Variants in TMEM255B observed in about 807,000 individuals in gnomAD.
The protein encoded by TMEM255B is transmembrane protein 255B.
A neutral mutation model predicts 34.5 loss-of-function variants in TMEM255B; 35 were observed. That is an observed-to-expected ratio of 1.01 (90% confidence interval 0.77 to 1.34). The LOEUF (loss-of-function observed/expected upper bound fraction) is 1.34. Among genes scored for constraint, TMEM255B ranks in the 40% most tolerant of loss-of-function variants. The pLI is 0.00. For missense variants in TMEM255B, 432 were observed against 433.2 expected, an observed-to-expected ratio of 1.00 and a Z score of 0.02; for synonymous variants, 206 against 201.2, an observed-to-expected ratio of 1.02 and a Z score of -0.20.
At chr13:113,809,460 T>C (rs1240339641) in intron 8 of TMEM255B, among the ~76,000 whole-genome samples, 1 of 103,262 alleles carries the variant, frequency 9.7e-6, no homozygotes, top group African/African-American at 4.0e-5. Context: ...GGGTTTACTC[T>C]GTGGTTCCTG....
At chr13:113,774,783 A>C (rs2050540736) in intron 3 of TMEM255B, among the ~76,000 whole-genome samples, 1 of 149,752 alleles carries the variant, frequency 6.7e-6, no homozygotes, top group African/African-American at 2.5e-5. Flanking sequence ...CACACAATAC[A>C]CAATACACGC....
intron 8 of TMEM255B, among the ~76,000 whole-genome samples, chr13:113,807,404 G>A (rs994225050): frequency 0.02 from 2,265 of 111,656 alleles, 34 homozygotes; most frequent in East Asian, 0.038. Flanking sequence ...TGTCACACGT[G>A]GGCTTACGGG....
chr13:113,759,942 T>TG (rs1200999372), intron 1 of TMEM255B, among the ~76,000 whole-genome samples: 5 of 152,162 alleles, frequency 3.3e-5, no homozygotes, highest in African/African-American at 1.2e-4. Flanking sequence ...GGAAACCTGT[T>TG]GCGTGTTCAC....
At position 113,769,128 on chromosome 13, in the gene TMEM255B, G is replaced by A. The variant is rs147117183; in HGVS notation, c.220G>A (p.Gly74Ser). ...CTTTGGATCTTTCTTAGGAATTATT[G>A]GCATCAACTTGGTGGAGAATAGAAG... The part of the protein sequence containing the change: ...LGFGSFLGII[G>S]INLVENRRQM... The change falls in exon 3 of 9, where the codon GGC becomes AGC. Residue 74 changes from glycine to serine, a missense_variant. By Grantham distance (56) the Gly-to-Ser change is moderately conservative (BLOSUM62 0). Transcript: ENST00000375353. This position sits in a 1 kb window ranked among gnomAD's most constrained non-coding sequence, Gnocchi z 4.2. 4.2e-5 allele frequency: 67 copies of A among 1,614,132 alleles called. No individual in the cohort carries two copies. In the African/African-American group the frequency reaches 8.8e-4, roughly 21 times the overall value.
intron 5 of TMEM255B, chr13:113,799,953 G>T (rs932848577): frequency 7.8e-7 from 1 of 1,290,012 alleles, no homozygotes; most frequent in Non-Finnish European, 1.0e-6. Flanking sequence ...TTAACTAAAC[G>T]CAGCCTCTCA....
intron 4 of TMEM255B, among the ~76,000 whole-genome samples, chr13:113,797,287 C>G (rs1466775127): frequency 6.6e-6 from 1 of 152,268 alleles, no homozygotes; most frequent in Non-Finnish European, 1.5e-5. Context: ...CTCACTGGAG[C>G]TCAGATGCCA....
chr13:113,773,946 A>G, intron 3 of TMEM255B, among the ~76,000 whole-genome samples: 1 of 152,248 alleles, frequency 6.6e-6, no homozygotes, highest in African/African-American at 2.4e-5. Context: ...AACGTCAGCT[A>G]CAGAGAGAAC....
intron 3 of TMEM255B, 149 bp from the exon 4 acceptor site, chr13:113,794,998 AG>A (rs1594150496): frequency 7.2e-6 from 5 of 696,642 alleles, no homozygotes; most frequent in African/African-American, 1.8e-5. Flanking sequence ...CGGCCTGGCC[AG>A]GGCTGGAAGT....
At chr13:113,760,350 G>T (rs2050281735) in intron 1 of TMEM255B, among the ~76,000 whole-genome samples, 1 of 152,140 alleles carries the variant, frequency 6.6e-6, no homozygotes. Flanking sequence ...GTTTAATAAT[G>T]ATAACTATTA....
chr13:113,801,954 G>A, intron 7 of TMEM255B, 142 bp downstream of exon 7: 1 of 994,748 alleles, frequency 1.0e-6, no homozygotes, highest in Non-Finnish European at 1.4e-6. Context: ...AGGGTGTCAG[G>A]GTGACAGCTG....
At chr13:113,763,381 G>T (rs375827994) in intron 1 of TMEM255B, among the ~76,000 whole-genome samples, 13 of 152,218 alleles carry the variant, frequency 8.5e-5, no homozygotes, top group African/African-American at 3.1e-4. Flanking sequence ...CCCACGGGAG[G>T]TGCCTGCCTT....
intron 3 of TMEM255B, among the ~76,000 whole-genome samples, chr13:113,776,364 G>A (rs940464863): frequency 1.8e-4 from 27 of 152,296 alleles, no homozygotes; most frequent in Non-Finnish European, 2.8e-4. Context: ...CTGTGGGATC[G>A]TGCACCTGCC....
chr13:113,779,475 G>A (rs1264306266), intron 3 of TMEM255B, among the ~76,000 whole-genome samples: 2 of 152,164 alleles, frequency 1.3e-5, no homozygotes, highest in East Asian at 3.8e-4. Flanking sequence ...CTCTGTTTTG[G>A]GGGCGTAGAG....
chr13:113,807,337 T>TG (rs1377484471), intron 8 of TMEM255B, among the ~76,000 whole-genome samples: 2 of 141,846 alleles, frequency 1.4e-5, no homozygotes, highest in African/African-American at 2.7e-5. Context: ...TTACGGGATG[T>TG]GGGGGGCGGT....
chr13:113,766,872 C>G (rs1566720183), intron 2 of TMEM255B, among the ~76,000 whole-genome samples: 1 of 152,192 alleles, frequency 6.6e-6, no homozygotes, highest in Non-Finnish European at 1.5e-5. Context: ...TGATGGTAAC[C>G]TAATTGGCAA....
chr13:113,767,775 C>T (rs1264133987), intron 2 of TMEM255B, among the ~76,000 whole-genome samples: 3 of 152,142 alleles, frequency 2.0e-5, no homozygotes, highest in South Asian at 2.1e-4. Flanking sequence ...TCAGAAGAAG[C>T]GGCCAGAACG....
chr13:113,773,930 G>A (rs2050516830), intron 3 of TMEM255B, among the ~76,000 whole-genome samples: 1 of 152,206 alleles, frequency 6.6e-6, no homozygotes, highest in Non-Finnish European at 1.5e-5. Context: ...AGCAAGGCAG[G>A]CTGTCAACGT....
intron 4 of TMEM255B, among the ~76,000 whole-genome samples, chr13:113,797,752 C>T (rs1355220874): frequency 6.6e-6 from 1 of 152,246 alleles, no homozygotes; most frequent in African/African-American, 2.4e-5. Flanking sequence ...TAATACTTTT[C>T]TTGGTTCAGA....
rs2050959922 is a variant in TMEM255B, at chr13:113,797,275, CA to C, written c.342+2039del. On this transcript the variant is annotated intron_variant, in intron 4 of 8. Transcript: ENST00000375353. ...GACTTTAGGACGGATGCGCAGACAG[CA>C]CTCACTGGAGCTCAGATGCCATCGA... is the stretch of plus-strand genomic sequence containing the variant. 2.6e-5 allele frequency among the ~76,000 whole-genome samples: 4 copies of C among 152,262 alleles called. No individual in the cohort carries two copies. The East Asian group carries it at 7.7e-4, about 29-fold the overall frequency.
Sources: gnomAD v4.1 joint callset for allele counts (sites outside exome capture counted in the v4.1 genomes callset) on GRCh38, gnomAD v4.1.1 for gene constraint, Gnocchi (gnomAD v3.1) non-coding constraint, MANE v1.5 for transcripts, NCBI Gene and HGNC (gene_info 2026-07-23, HGNC 2026-07-21) for gene names.